The following SEMA3D variants were observed in gnomAD, a reference collection of about 807,000 sequenced individuals.
SEMA3D encodes semaphorin-3D.
A neutral mutation model predicts 100.1 loss-of-function variants in SEMA3D; 84 were observed. The observed-to-expected ratio is 0.84, with a 90% confidence interval of 0.70 to 1.01. The LOEUF (loss-of-function observed/expected upper bound fraction) is 1.01, where lower values mean the gene tolerates loss of function less well. SEMA3D is among the 50% of genes least tolerant of loss of function. SEMA3D has a pLI of 0.00. For synonymous variants in SEMA3D, 312 were observed against 320.7 expected, an observed-to-expected ratio of 0.97 and a Z score of 0.29; for missense variants, 875 against 934.1, an observed-to-expected ratio of 0.94 and a Z score of 0.82.
rs1160817506 is a variant in SEMA3D, at chr7:85,115,808, T to C, written c.151+5933A>G. Reference sequence around the variant, plus strand: ...CCCCCAACAACAAAGGCAACTGTTATCATATTTTTAAACCGTTGATTAGTT... The same window carrying C: ...CCCCCAACAACAAAGGCAACTGTTACCATATTTTTAAACCGTTGATTAGTT... On this transcript the variant is annotated intron_variant, in intron 3 of 18. Transcript: ENST00000284136. Among the ~76,000 whole-genome samples the C allele has an allele frequency of 2.6e-5, 4 of 152,130 alleles. No individual in the cohort carries two copies. In the East Asian group the frequency reaches 7.7e-4, roughly 29 times the overall value.
intron 18 of SEMA3D, among the ~76,000 whole-genome samples, chr7:85,002,602 G>A (rs1053815034): frequency 5.3e-5 from 8 of 152,096 alleles, no homozygotes; most frequent in Non-Finnish European, 1.2e-4. Context: ...AGAAAATTCA[G>A]CTCCTCAACA....
chr7:85,152,451 G>A (rs568773333), intron 2 of SEMA3D, among the ~76,000 whole-genome samples: 2 of 152,226 alleles, frequency 1.3e-5, no homozygotes, highest in African/African-American at 4.8e-5. Context: ...ATTTGTGGAA[G>A]AAGACAAGTT....
upstream of SEMA3D, among the ~76,000 whole-genome samples, chr7:85,191,151 C>A (rs1173749413): frequency 1.3e-5 from 2 of 152,090 alleles, no homozygotes; most frequent in Non-Finnish European, 2.9e-5. Flanking sequence ...CACAGTCCAG[C>A]CTCTTTGGCC....
upstream of SEMA3D, among the ~76,000 whole-genome samples, chr7:85,189,953 G>A (rs1275267574): frequency 1.3e-5 from 2 of 152,104 alleles, no homozygotes; most frequent in African/African-American, 4.8e-5. Flanking sequence ...CATCTATGTT[G>A]AGAGCCATGG....
chr7:85,154,479 G>T (rs1314392410), intron 1 of SEMA3D, among the ~76,000 whole-genome samples: 1 of 152,054 alleles, frequency 6.6e-6, no homozygotes, highest in Non-Finnish European at 1.5e-5. Flanking sequence ...GTGGGGCGGG[G>T]GTTGGGGGAT....
At chr7:85,074,531 C>A (rs1443119779) in intron 5 of SEMA3D, among the ~76,000 whole-genome samples, 3 of 151,852 alleles carry the variant, frequency 2.0e-5, no homozygotes, top group Non-Finnish European at 4.4e-5. Flanking sequence ...TTGAGCTATA[C>A]AAAATACTAA....
At chr7:85,129,291 C>T (rs1789657537) in intron 2 of SEMA3D, among the ~76,000 whole-genome samples, 1 of 152,000 alleles carries the variant, frequency 6.6e-6, no homozygotes, top group African/African-American at 2.4e-5. Flanking sequence ...GAGCACAACA[C>T]CTACATAGGA....
intron 4 of SEMA3D, among the ~76,000 whole-genome samples, chr7:85,096,731 G>A (rs764508331): frequency 1.3e-5 from 2 of 151,744 alleles, no homozygotes; most frequent in Non-Finnish European, 1.5e-5. Flanking sequence ...TAAATATTTT[G>A]TGTAGACTAA....
At chr7:85,225,069 TATATATATATA>T in the SEMA3D span, among the ~76,000 whole-genome samples, 1 of 6,802 alleles carries the variant, frequency 1.5e-4, no homozygotes. Context: ...TATATATATA[TATATATATATA>T]TATATATATA....
the SEMA3D span, among the ~76,000 whole-genome samples, chr7:85,244,675 C>G: frequency 6.7e-6 from 1 of 148,304 alleles, no homozygotes; most frequent in African/African-American, 2.5e-5. Flanking sequence ...AATTATTCTT[C>G]TTCCAGGCAA....
intron 16 of SEMA3D, among the ~76,000 whole-genome samples, chr7:85,013,757 G>A (rs1401316619): frequency 6.6e-6 from 1 of 151,764 alleles, no homozygotes; most frequent in African/African-American, 2.4e-5. Flanking sequence ...ACAGTGGCAT[G>A]TCTGAAAGAT....
rs7778124 is a variant in SEMA3D, at chr7:85,160,127, G to A, written c.-172-6388C>T. The A allele has an allele frequency of 1.2e-3, 872 of 737,050 alleles. 3 individuals are homozygous for A. The African/African-American group carries it at 0.016, about 13-fold the overall frequency. The allele number at this position is 737,050 out of a possible 1,614,324, so 45.7% of individuals were successfully genotyped here. On this transcript the variant is annotated intron_variant, in intron 1 of 18. Transcript: ENST00000284136. ...TAAAATTGAGTTTTCAAGCCTAACA[G>A]GATAATGTCAAGCTACTTATTGATC...
intron 1 of SEMA3D, among the ~76,000 whole-genome samples, chr7:85,177,126 A>G (rs1791257274): frequency 6.6e-6 from 1 of 152,140 alleles, no homozygotes; most frequent in South Asian, 2.1e-4. Flanking sequence ...CTCAGAACAT[A>G]TCCCTGTCAT....
chr7:85,037,128 T>C, intron 11 of SEMA3D, 95 bp from the exon 12 acceptor site: 1 of 1,225,218 alleles, frequency 8.2e-7, no homozygotes. Context: ...TGGACAAAAT[T>C]TACTTAGCAC....
intron 2 of SEMA3D, among the ~76,000 whole-genome samples, chr7:85,151,113 CA>C (rs1790369768): frequency 1.3e-5 from 2 of 151,836 alleles, no homozygotes; most frequent in African/African-American, 2.4e-5. Flanking sequence ...CACACACACA[CA>C]CACCGCACAT....
At chr7:85,141,569 AT>A in intron 2 of SEMA3D, 1 of 984,784 alleles carries the variant, frequency 1.0e-6, no homozygotes, top group Non-Finnish European at 1.2e-6. Flanking sequence ...TATTACTGAA[AT>A]TTAAATTACT....
the SEMA3D span, among the ~76,000 whole-genome samples, chr7:85,222,576 T>G: frequency 6.6e-6 from 1 of 152,082 alleles, no homozygotes; most frequent in East Asian, 1.9e-4. Context: ...ATTAATTGAT[T>G]TATTTAAAGT....
chr7:85,149,669 T>C (rs1312473806), intron 2 of SEMA3D, among the ~76,000 whole-genome samples: 2 of 152,086 alleles, frequency 1.3e-5, no homozygotes, highest in Non-Finnish European at 2.9e-5. Context: ...TACTGAGCTT[T>C]TATAGTAGAC....
intron 1 of SEMA3D, among the ~76,000 whole-genome samples, chr7:85,180,760 C>T (rs1791378471): frequency 6.6e-6 from 1 of 152,082 alleles, no homozygotes; most frequent in African/African-American, 2.4e-5. Context: ...ATCTCTGTTC[C>T]AGGGTCCCAT....
Sources: allele counts gnomAD v4.1 joint callset (sites outside exome capture counted in the v4.1 genomes callset), GRCh38; gene constraint gnomAD v4.1.1; transcripts MANE v1.5; gene names NCBI Gene and HGNC (gene_info 2026-07-23, HGNC 2026-07-21).